Variants in TAFA4 observed in about 807,000 individuals in gnomAD.
The protein encoded by TAFA4 is TAFA chemokine like family member 4, also known as chemokine-like protein TAFA-4.
TAFA4 carries 20 observed loss-of-function variants against 21.1 expected under a neutral mutation model. The ratio of observed to expected loss-of-function variants is 0.95; its 90% CI spans 0.67 to 1.38. The LOEUF (loss-of-function observed/expected upper bound fraction) is 1.38. Ranked by LOEUF, TAFA4 falls within the 40% of genes most tolerant of loss-of-function variation. The pLI is 0.00. For missense variants in TAFA4, 211 were observed against 180.9 expected (o/e 1.17, Z -0.95); for synonymous variants, 71 against 67.4 (o/e 1.05, Z -0.26).
At chr3:68,907,778 G>A (rs944584846) in intron 1 of TAFA4, among the ~76,000 whole-genome samples, 3 of 152,152 alleles carry the variant, frequency 2.0e-5, no homozygotes, top group Non-Finnish European at 4.4e-5. Context: ...AACATCGATG[G>A]TAAACTCTAA....
intron 3 of TAFA4, among the ~76,000 whole-genome samples, chr3:68,837,073 G>T (rs957363590): frequency 6.6e-6 from 1 of 152,228 alleles, no homozygotes; most frequent in African/African-American, 2.4e-5. Flanking sequence ...ATTCATTTAT[G>T]TATCATCTGC....
At chr3:68,837,443 C>T (rs1704550519) in intron 3 of TAFA4, among the ~76,000 whole-genome samples, 1 of 152,222 alleles carries the variant, frequency 6.6e-6, no homozygotes, top group African/African-American at 2.4e-5. Context: ...AATTTCAACC[C>T]TCCCCTTCCT....
intron 3 of TAFA4, among the ~76,000 whole-genome samples, chr3:68,787,797 G>A (rs989782205): frequency 6.6e-6 from 1 of 152,212 alleles, no homozygotes; most frequent in Non-Finnish European, 1.5e-5. Flanking sequence ...TTTCCTTAAA[G>A]AATGATGGAT....
In TAFA4 at chr3:68,867,329, A is replaced by G. The variant is rs541760124; in HGVS notation, c.130+13401T>C. On this transcript the variant is annotated intron_variant, in intron 3 of 5. Coordinates refer to ENST00000295569, the MANE Select transcript of TAFA4 (RefSeq NM_182522.5). ...CATAAGCCAAGAATACTGCACCCAG[A>G]AAAGCTTTCTTTCAAACATGAAGGA... Among the ~76,000 whole-genome samples, 3 of 152,286 alleles carry G rather than the reference A, an allele frequency of 2.0e-5. No homozygotes were observed. In the East Asian group the frequency reaches 5.8e-4, roughly 29 times the overall value.
In TAFA4 at chr3:68,932,366, T is replaced by A. The variant is rs950413007; in HGVS notation, c.-249A>T. On this transcript the variant is annotated 5_prime_UTR_variant, in exon 1 of 6. Transcript: ENST00000295569. ...AGCCCCGGGAGCGGCCCATCACCTCTGCAGCCTCGCCAGGAGAAGAAAAGT... is the reference window on the plus strand; with the variant it reads ...AGCCCCGGGAGCGGCCCATCACCTCAGCAGCCTCGCCAGGAGAAGAAAAGT... The A allele has an allele frequency of 9.2e-5, 14 of 152,478 alleles. No homozygotes were observed. The highest frequency in any genetic ancestry group is 3.4e-4 in the African/African-American group (14 of 41,454). The allele number at this position is 152,478 out of a possible 1,614,324, so 9.4% of individuals were successfully genotyped here. A position where few individuals can be genotyped will look rare whatever the true frequency, so the allele number is the denominator to read the frequency against.
At chr3:68,899,695 C>T (rs191154137) in intron 1 of TAFA4, among the ~76,000 whole-genome samples, 10 of 152,196 alleles carry the variant, frequency 6.6e-5, no homozygotes, top group East Asian at 3.9e-4. Flanking sequence ...TATTAGGTCA[C>T]GATCCCATAA....
chr3:68,841,746 TCC>T (rs1294868388), intron 3 of TAFA4, among the ~76,000 whole-genome samples: 1 of 151,956 alleles, frequency 6.6e-6, no homozygotes, highest in Non-Finnish European at 1.5e-5. Flanking sequence ...CCTCCCTGTG[TCC>T]GTGTGTTCTC....
chr3:68,811,620 G>C (rs562905347), intron 3 of TAFA4, among the ~76,000 whole-genome samples: 1 of 151,992 alleles, frequency 6.6e-6, no homozygotes, highest in Non-Finnish European at 1.5e-5. Flanking sequence ...GAGAAGTTTA[G>C]AGAAAAAAGA....
At chr3:68,905,727 G>C (rs2089893531) in intron 1 of TAFA4, among the ~76,000 whole-genome samples, 1 of 152,122 alleles carries the variant, frequency 6.6e-6, no homozygotes. Context: ...ACTAGTCAGT[G>C]CGATCTCCCA....
chr3:68,801,626 C>T lies in TAFA4; in HGVS notation c.131-48608G>A, dbSNP rs79059954. ...GTGGCAATTCATTTAGGTCTTATCA[C>T]CATAATCTGGCTCAAGGGTTAGTGA... On this transcript the variant is annotated intron_variant, in intron 3 of 5. Transcript: ENST00000295569. Among the ~76,000 whole-genome samples the T allele has an allele frequency of 7.3e-3, 1,118 of 152,284 alleles. 18 individuals are homozygous for T. The highest frequency in any genetic ancestry group is 0.025 in the African/African-American group (1,059 of 41,560).
At chr3:68,819,154 C>T (rs1375223574) in intron 3 of TAFA4, among the ~76,000 whole-genome samples, 3 of 152,030 alleles carry the variant, frequency 2.0e-5, no homozygotes, top group African/African-American at 7.3e-5. Flanking sequence ...AACCTGCAGT[C>T]CCAGCTATCT....
intron 4 of TAFA4, among the ~76,000 whole-genome samples, chr3:68,740,092 T>C (rs532615963): frequency 3.8e-4 from 58 of 152,330 alleles, no homozygotes; most frequent in African/African-American, 1.4e-3. Flanking sequence ...TGCCATTGTC[T>C]AGATTACACT....
chr3:68,759,506 G>T (rs1304668571), intron 3 of TAFA4, among the ~76,000 whole-genome samples: 1 of 152,148 alleles, frequency 6.6e-6, no homozygotes, highest in East Asian at 1.9e-4. Context: ...GGTACAGGGG[G>T]GATGCCTTGT....
At chr3:68,869,198 G>A (rs1187870276) in intron 3 of TAFA4, among the ~76,000 whole-genome samples, 14 of 151,898 alleles carry the variant, frequency 9.2e-5, no homozygotes, top group African/African-American at 3.4e-4. Context: ...AACAAATAAT[G>A]AGATTAAGGC....
intron 3 of TAFA4, among the ~76,000 whole-genome samples, chr3:68,760,735 T>C (rs574386507): frequency 6.6e-6 from 1 of 152,354 alleles, no homozygotes; most frequent in South Asian, 2.1e-4. Flanking sequence ...TTGGCGAACA[T>C]GCCCAGTATT....
At chr3:68,827,698 C>T (rs1039785932) in intron 3 of TAFA4, among the ~76,000 whole-genome samples, 1 of 152,154 alleles carries the variant, frequency 6.6e-6, no homozygotes, top group Non-Finnish European at 1.5e-5. Flanking sequence ...TGAAAAGTGT[C>T]TGTTCATATC....
At chr3:68,770,821 G>A (rs565162315) in intron 3 of TAFA4, among the ~76,000 whole-genome samples, 25 of 152,254 alleles carry the variant, frequency 1.6e-4, no homozygotes, top group African/African-American at 4.6e-4. Flanking sequence ...CTCCACCCTC[G>A]GGCCTGTGCC....
In TAFA4 at chr3:68,885,323, G is replaced by T. The variant is rs910856156; in HGVS notation, c.-122-13C>A. 3.2e-6 allele frequency: 2 copies of T among 627,022 alleles called. No individual in the cohort carries two copies. The highest frequency in any genetic ancestry group is 2.6e-6 in the Non-Finnish European group (1 of 384,150). The allele number at this position is 627,022 out of a possible 1,614,324, so 38.8% of individuals were successfully genotyped here. A position where few individuals can be genotyped will look rare whatever the true frequency, so the allele number is the denominator to read the frequency against. On this transcript the variant is annotated splice_polypyrimidine_tract_variant and intron_variant, in intron 1 of 5. Transcript: ENST00000295569. Reference sequence around the variant, plus strand: ...TAGCTCAGAAGACCTATGTTAAAAAGGCCAAAAAAAAAAAAGGAATCAATT... The same window carrying T: ...TAGCTCAGAAGACCTATGTTAAAAATGCCAAAAAAAAAAAAGGAATCAATT...
intron 3 of TAFA4, among the ~76,000 whole-genome samples, chr3:68,777,271 A>G (rs550712493): frequency 2.6e-5 from 4 of 152,274 alleles, no homozygotes; most frequent in East Asian, 1.9e-4. Context: ...TATGATATAC[A>G]TAAGGCAGTA....
Sources: allele counts gnomAD v4.1 joint callset (sites outside exome capture counted in the v4.1 genomes callset), GRCh38; gene constraint gnomAD v4.1.1; transcripts MANE v1.5; gene names NCBI Gene and HGNC (gene_info 2026-07-23, HGNC 2026-07-21).